The following SLC40A1 variants were observed in gnomAD, a reference collection of about 807,000 sequenced individuals.
SLC40A1 encodes the protein solute carrier family 40 member 1.
A neutral mutation model predicts 53.5 loss-of-function variants in SLC40A1; 16 were observed. The observed-to-expected ratio is 0.30, with a 90% CI of 0.20 to 0.45. SLC40A1 has a LOEUF of 0.45. Among genes scored for constraint, SLC40A1 ranks in the 20% least tolerant of loss-of-function variants. The pLI, the probability that SLC40A1 is intolerant of heterozygous loss-of-function variation, is 1.00. For synonymous variants in SLC40A1, 247 were observed against 253.2 expected (o/e 0.98, Z 0.23); for missense variants, 545 against 695.4 (o/e 0.78, Z 2.43).
intron 6 of SLC40A1, 120 bp downstream of exon 6, chr2:189,565,233 TA>T: frequency 8.0e-7 from 1 of 1,252,220 alleles, no homozygotes; most frequent in Non-Finnish European, 1.1e-6. Context: ...GCGATATATT[TA>T]ACCTCATCTG....
Position 189,563,959 on chromosome 2 carries a change from T to C in SLC40A1, c.1027A>G (p.Ser343Gly), listed in dbSNP as rs769747554. ...YTQGLSGSIL[S>G]ILMGASAITG... ...ATAGCTGATGCTCCCATCAAAATAC[T>C]GAGGATGGAACCACTCAGTCCCTGA... Residue 343 changes from serine (S) to glycine (G), a missense_variant, in exon 7 of 8, where the codon AGT becomes GGT. Transcript: ENST00000261024. 1.2e-6 allele frequency: 2 copies of C among 1,614,006 alleles called. No individual in the cohort carries two copies. The highest frequency in any genetic ancestry group is 2.7e-5 in the African/African-American group (2 of 74,902).
At chr2:189,562,996 G>A (rs2030803269) in intron 7 of SLC40A1, among the ~76,000 whole-genome samples, 1 of 151,440 alleles carries the variant, frequency 6.6e-6, no homozygotes, top group Non-Finnish European at 1.5e-5. Context: ...CTACTAGATG[G>A]CAGTATAATT....
intron 5 of SLC40A1, among the ~76,000 whole-genome samples, chr2:189,568,211 G>A (rs577753722): frequency 9.0e-4 from 136 of 151,782 alleles, no homozygotes; most frequent in Non-Finnish European, 1.2e-3. Flanking sequence ...GACTTAGGCC[G>A]GGTGCAGTGG....
chr2:189,579,682 G>T (rs2031395220), intron 2 of SLC40A1, 131 bp downstream of exon 2: 2 of 800,550 alleles, frequency 2.5e-6, no homozygotes, highest in African/African-American at 1.7e-5. Flanking sequence ...TTTCATTAAA[G>T]CATGTGTACT....
At chr2:189,563,510 T>C (rs1310075803) in intron 7 of SLC40A1, 74 bp downstream of exon 7, 1 of 1,380,750 alleles carries the variant, frequency 7.2e-7, no homozygotes, top group African/African-American at 1.5e-5. Context: ...TCAGATCATT[T>C]ATTAATGGAT....
chr2:189,575,309 C>T lies in SLC40A1; in HGVS notation c.123G>A (p.Met41Ile), dbSNP rs758193749. ...GAAACACAGACACCGCAAAGTGCCACATCCGATCTCCCTTAAATGAAAAGA... is the reference window on the plus strand; with the variant it reads ...GAAACACAGACACCGCAAAGTGCCATATCCGATCTCCCTTAAATGAAAAGA... ...GHSLSTWGDR[M>I]WHFAVSVFLV... is the part of the protein sequence containing the mutation. Residue 41 changes from methionine (M) to isoleucine (I), a missense_variant, in exon 3 of 8, where the codon ATG becomes ATA. Transcript: ENST00000261024. 3 of 1,614,134 alleles carry T rather than the reference C, an allele frequency of 1.9e-6. No individual in the cohort carries two copies. The highest frequency in any genetic ancestry group is 1.7e-5 in the Admixed American group (1 of 60,020).
chr2:189,573,542 G>A (rs1314873967), intron 3 of SLC40A1, among the ~76,000 whole-genome samples: 4 of 152,260 alleles, frequency 2.6e-5, no homozygotes, highest in South Asian at 2.1e-4. Context: ...CTTATGAGGC[G>A]CCCATATAGA....
At position 189,565,739 on chromosome 2, in the gene SLC40A1, A is replaced by C. The variant is rs1267051538; in HGVS notation, c.515-140T>G. ...CTAAAAGTACATTTGTAAGAAAGAC[A>C]TTTTGTTGGAAAAATATTTGTTGTT... On this transcript the variant is annotated intron_variant, in intron 5 of 7. Coordinates refer to ENST00000261024, the MANE Select transcript of SLC40A1 (RefSeq NM_014585.6). The C allele has an allele frequency of 1.2e-5, 15 of 1,253,450 alleles. No individual in the cohort carries two copies. The Admixed American group carries it at 2.8e-4, about 24-fold the overall frequency. 77.6% of individuals were successfully genotyped at this position (1,253,450 alleles called of 1,614,324 possible).
intron 3 of SLC40A1, 115 bp downstream of exon 3, chr2:189,575,046 G>T: frequency 8.4e-7 from 1 of 1,188,020 alleles, no homozygotes. Flanking sequence ...CCTCAAGTGT[G>T]GCATGCAGAC....
chr2:189,577,174 A>G (rs533377553), intron 2 of SLC40A1, among the ~76,000 whole-genome samples: 2 of 152,340 alleles, frequency 1.3e-5, no homozygotes, highest in East Asian at 3.9e-4. Flanking sequence ...CTGAGAGCTG[A>G]AGGCAAACCT....
intron 6 of SLC40A1, among the ~76,000 whole-genome samples, chr2:189,565,072 T>C (rs1244773035): frequency 1.3e-5 from 2 of 152,124 alleles, no homozygotes; most frequent in Non-Finnish European, 2.9e-5. Context: ...ATGACTTAGC[T>C]TTGCCCAGCT....
intron 5 of SLC40A1, among the ~76,000 whole-genome samples, chr2:189,570,098 G>GTA (rs1238814976): frequency 1.7e-4 from 26 of 149,820 alleles, no homozygotes; most frequent in African/African-American, 3.2e-4. Flanking sequence ...ATGTATGTGT[G>GTA]TATATATATA....
Position 189,565,372 on chromosome 2 carries a change from G to C in SLC40A1, c.742C>G (p.Gln248Glu). 6.2e-7 allele frequency: 1 copy of C among 1,614,224 alleles called. No individual in the cohort carries two copies. The highest frequency in any genetic ancestry group is 8.5e-7 in the Non-Finnish European group (1 of 1,180,020). ...GLKEEETELK[Q>E]LNLHKDTEPK... ...AGTTTACCTTTGTGTAAATTCAGCT[G>C]TTTCAATTCAGTTTCCTCTTCTTTA... The change falls in exon 6 of 8, where the codon CAG becomes GAG. Residue 248 changes from glutamine (Q) to glutamate (E), a missense_variant. Physicochemically the swap from Gln to Glu is conservative, Grantham distance 29. This residue lies in a region of SLC40A1 where 107 missense variants were observed against 91.0 expected (regional missense o/e 1.18). Transcript: ENST00000261024.
At chr2:189,576,611 A>C (rs1305818674) in intron 2 of SLC40A1, among the ~76,000 whole-genome samples, 4 of 152,158 alleles carry the variant, frequency 2.6e-5, no homozygotes, top group Admixed American at 2.6e-4. Flanking sequence ...GCTGTTACTT[A>C]ATCTTTAACC....
chr2:189,570,625 T>C (rs2031095850), intron 5 of SLC40A1, among the ~76,000 whole-genome samples: 1 of 152,182 alleles, frequency 6.6e-6, no homozygotes, highest in Non-Finnish European at 1.5e-5. Flanking sequence ...TTTAAATCAA[T>C]CACTGTGGAA....
intron 5 of SLC40A1, among the ~76,000 whole-genome samples, chr2:189,566,495 A>T (rs1247107114): frequency 6.6e-6 from 1 of 152,210 alleles, no homozygotes; most frequent in African/African-American, 2.4e-5. Flanking sequence ...GCAGAGAAGG[A>T]AGTGTGCTAA....
At chr2:189,575,452 T>C in intron 2 of SLC40A1, 132 bp from the exon 3 acceptor site, 1 of 787,764 alleles carries the variant, frequency 1.3e-6, no homozygotes, top group Non-Finnish European at 2.2e-6. Context: ...GTAATTACTC[T>C]TAGATTGAAT....
intron 2 of SLC40A1, chr2:189,578,466 T>C (rs1183418916): frequency 5.1e-6 from 3 of 593,166 alleles, no homozygotes; most frequent in Non-Finnish European, 6.6e-6. Flanking sequence ...AAATCTGACC[T>C]CCTAACCTAT....
intron 2 of SLC40A1, 81 bp downstream of exon 2, chr2:189,579,732 G>C: frequency 8.2e-7 from 1 of 1,221,738 alleles, no homozygotes; most frequent in African/African-American, 1.5e-5. Flanking sequence ...AAAACTGGAA[G>C]TTGGCTTAAT....
Sources: allele counts gnomAD v4.1 joint callset (sites outside exome capture counted in the v4.1 genomes callset), GRCh38; gene constraint gnomAD v4.1.1; regional missense constraint gnomAD v4.1.1; transcripts MANE v1.5; gene names NCBI Gene and HGNC (gene_info 2026-07-23, HGNC 2026-07-21).